Variants in AFAP1L2 observed in about 807,000 individuals in gnomAD.
AFAP1L2 encodes the protein actin filament-associated protein 1-like 2.
In AFAP1L2, 46 loss-of-function variants were observed where a neutral mutation model predicts 99.3. That is an observed-to-expected ratio of 0.46 (90% CI 0.37 to 0.59). The LOEUF is 0.59. AFAP1L2 is among the 20% of genes least tolerant of loss of function. The pLI is 0.00. For missense variants in AFAP1L2, 959 were observed against 1,034.9 expected, an observed-to-expected ratio of 0.93 and a Z score of 1.01; for synonymous variants, 397 against 419.1, an observed-to-expected ratio of 0.95 and a Z score of 0.64.
chr10:114,339,888 G>C (rs997983394), intron 2 of AFAP1L2, among the ~76,000 whole-genome samples: 2 of 151,748 alleles, frequency 1.3e-5, no homozygotes, highest in African/African-American at 4.8e-5. Flanking sequence ...GTGGGCGCCT[G>C]TAATCCCAGC....
rs1233039690 is a variant in AFAP1L2 at position 114,295,968 on chromosome 10, GT to G, written c.*73del. ...CTAAACAGACTCACCCTTTCGCATAGTTTTTGCTTTAACAAAGCAGGATTGT... is the reference window on the plus strand; with the variant it reads ...CTAAACAGACTCACCCTTTCGCATAGTTTTGCTTTAACAAAGCAGGATTGT... On this transcript the variant is annotated 3_prime_UTR_variant, in exon 19 of 19. Transcript: ENST00000304129. 2 of 1,612,918 alleles carry G rather than the reference GT, an allele frequency of 1.2e-6. No individual in the cohort carries two copies. The highest frequency in any genetic ancestry group is 2.7e-5 in the African/African-American group (2 of 74,882).
chr10:114,344,155 AAAAG>A (rs1435511916), intron 1 of AFAP1L2, among the ~76,000 whole-genome samples: 1 of 152,202 alleles, frequency 6.6e-6, no homozygotes, highest in Non-Finnish European at 1.5e-5. Context: ...AGAAGCATTT[AAAAG>A]AAAGAATAAA....
At chr10:114,331,452 C>G (rs1564893032) in intron 4 of AFAP1L2, among the ~76,000 whole-genome samples, 2 of 152,138 alleles carry the variant, frequency 1.3e-5, no homozygotes, top group Non-Finnish European at 2.9e-5. Flanking sequence ...TGCACCACTG[C>G]ACCTGGCTAG....
intron 4 of AFAP1L2, 51 bp from the exon 5 acceptor site, chr10:114,323,312 G>T: frequency 6.7e-7 from 1 of 1,489,430 alleles, no homozygotes; most frequent in East Asian, 2.4e-5. Flanking sequence ...TACACTGGGA[G>T]CAACTTGGAA....
intron 7 of AFAP1L2, among the ~76,000 whole-genome samples, chr10:114,313,025 A>T (rs2134622366): frequency 6.6e-6 from 1 of 151,096 alleles, no homozygotes; most frequent in Non-Finnish European, 1.5e-5. Context: ...AGGCTCGCCA[A>T]GGTGGTTATG....
At chr10:114,331,104 T>C (rs573397463) in intron 4 of AFAP1L2, among the ~76,000 whole-genome samples, 7 of 151,750 alleles carry the variant, frequency 4.6e-5, no homozygotes, top group Admixed American at 2.0e-4. Context: ...AGGCAGGACA[T>C]GCAGCTGAGC....
At chr10:114,343,379 A>G (rs998914459) in intron 1 of AFAP1L2, among the ~76,000 whole-genome samples, 8 of 152,188 alleles carry the variant, frequency 5.3e-5, no homozygotes, top group African/African-American at 1.9e-4. Context: ...CCCCGTCTGC[A>G]TGGGCAGCCT....
chr10:114,310,151 C>T (rs954786135), intron 8 of AFAP1L2, among the ~76,000 whole-genome samples: 1 of 152,112 alleles, frequency 6.6e-6, no homozygotes, highest in African/African-American at 2.4e-5. Flanking sequence ...GGTCTCAAAT[C>T]CCTGACTTCA....
chr10:114,362,960 C>G, intron 1 of AFAP1L2: 2 of 985,428 alleles, frequency 2.0e-6, no homozygotes, highest in Non-Finnish European at 2.4e-6. Context: ...AAAGCTGACG[C>G]ACAGTGGGCC....
At chr10:114,326,318 T>C (rs577359720) in intron 4 of AFAP1L2, among the ~76,000 whole-genome samples, 1 of 152,346 alleles carries the variant, frequency 6.6e-6, no homozygotes, top group Admixed American at 6.5e-5. Flanking sequence ...TTTAAAGGCA[T>C]TTTACTCCTC....
chr10:114,386,063 T>G, intron 1 of AFAP1L2, among the ~76,000 whole-genome samples: 1 of 151,282 alleles, frequency 6.6e-6, no homozygotes, highest in East Asian at 1.9e-4. Flanking sequence ...CGGCTGAGAG[T>G]CTGAAAACCC....
the AFAP1L2 span, chr10:114,286,210 C>T: frequency 5.0e-6 from 8 of 1,613,914 alleles, 1 homozygote; most frequent in South Asian, 5.5e-5. Flanking sequence ...CCCTGACGGG[C>T]AGTGCCTTGC....
chr10:114,343,706 T>C (rs1010576336), intron 1 of AFAP1L2, among the ~76,000 whole-genome samples: 1 of 152,196 alleles, frequency 6.6e-6, no homozygotes, highest in Non-Finnish European at 1.5e-5. Flanking sequence ...TGGGCATCAC[T>C]AGAGGTTGCA....
At chr10:114,338,193 T>C (rs2048272242) in intron 2 of AFAP1L2, among the ~76,000 whole-genome samples, 1 of 152,154 alleles carries the variant, frequency 6.6e-6, no homozygotes, top group African/African-American at 2.4e-5. Flanking sequence ...GTCCTTGAAA[T>C]GTAGCCTGGC....
At position 114,387,864 on chromosome 10, in the gene AFAP1L2, T is replaced by C. The variant is rs190808456; in HGVS notation, c.16+16576A>G. On this transcript the variant is annotated intron_variant, in intron 1 of 18. Transcript: ENST00000304129. ...CTGGGTAGGTCAGGGATCAAAAAGC[T>C]CCTTTCCTTCCTTGGCTTTACCTGG... is the stretch of plus-strand genomic sequence containing the variant. Among the ~76,000 whole-genome samples, 920 of 152,140 alleles carry C rather than the reference T, an allele frequency of 6.0e-3. 1 individual carries two copies. The highest frequency in any genetic ancestry group is 0.011 in the Non-Finnish European group (714 of 67,998).
chr10:114,397,951 G>C (rs573488309), intron 1 of AFAP1L2, among the ~76,000 whole-genome samples: 1 of 152,236 alleles, frequency 6.6e-6, no homozygotes, highest in South Asian at 2.1e-4. Flanking sequence ...GATTTCTACT[G>C]GCATGGGTGC....
rs74366496 is a variant in AFAP1L2, at chr10:114,394,971, C to T, written c.16+9469G>A. Among the ~76,000 whole-genome samples the T allele has an allele frequency of 2.4e-3, 370 of 152,218 alleles. 1 individual carries two copies. Among genetic ancestry groups the T allele is most frequent in the African/African-American group, 8.5e-3 (353 of 41,532 alleles). ...AGAAACCGTGCTTGACCACCATGCA[C>T]GCCACGATCCTCAGCCACAATTCCG... On this transcript the variant is annotated intron_variant, in intron 1 of 18. Coordinates refer to ENST00000304129, the MANE Select transcript of AFAP1L2 (RefSeq NM_001001936.3).
intron 4 of AFAP1L2, among the ~76,000 whole-genome samples, chr10:114,328,194 G>A (rs1026191836): frequency 8.5e-5 from 13 of 152,192 alleles, no homozygotes; most frequent in Admixed American, 3.9e-4. Context: ...ACCCCTGGCT[G>A]CCCCTTCTAT....
intron 4 of AFAP1L2, among the ~76,000 whole-genome samples, chr10:114,325,587 G>A (rs1015826202): frequency 3.3e-5 from 5 of 151,970 alleles, no homozygotes; most frequent in Non-Finnish European, 5.9e-5. Context: ...AAGCAAACCC[G>A]ACACTGTACT....
Sources: allele counts gnomAD v4.1 joint callset (sites outside exome capture counted in the v4.1 genomes callset), GRCh38; gene constraint gnomAD v4.1.1; transcripts MANE v1.5; gene names NCBI Gene and HGNC (gene_info 2026-07-23, HGNC 2026-07-21).